The following DAB1 variants were observed in gnomAD, a reference collection of about 807,000 sequenced individuals.
DAB1 encodes DAB adaptor protein 1.
In DAB1, 15 loss-of-function variants were observed where a neutral mutation model predicts 64.6. The observed-to-expected ratio is 0.23, with a 90% CI of 0.16 to 0.36. DAB1 has a LOEUF of 0.36. DAB1 is among the 10% of genes least tolerant of loss of function. DAB1 has a pLI of 1.00. For synonymous variants in DAB1, 235 were observed against 251.9 expected, an observed-to-expected ratio of 0.93 and a Z score of 0.64; for missense variants, 596 against 706.7, an observed-to-expected ratio of 0.84 and a Z score of 1.78.
intron 5 of DAB1, among the ~76,000 whole-genome samples, chr1:58,132,348 G>A (rs543533271): frequency 7.2e-5 from 11 of 152,224 alleles, no homozygotes; most frequent in South Asian, 2.1e-4. Flanking sequence ...ACTGACCTGC[G>A]CCCACTGTCT....
chr1:57,162,067 A>T (rs949455387), intron 2 of DAB1, among the ~76,000 whole-genome samples: 4 of 152,196 alleles, frequency 2.6e-5, no homozygotes, highest in Non-Finnish European at 5.9e-5. Context: ...AGAAAACAAT[A>T]TTGAGGATTC....
chr1:57,978,831 G>T (rs1225723262), intron 5 of DAB1, among the ~76,000 whole-genome samples: 1 of 152,162 alleles, frequency 6.6e-6, no homozygotes, highest in East Asian at 1.9e-4. Flanking sequence ...ATCATCACTG[G>T]TCATTATGGA....
intron 5 of DAB1, among the ~76,000 whole-genome samples, chr1:58,038,251 T>C (rs1171699294): frequency 1.3e-5 from 2 of 152,152 alleles, no homozygotes; most frequent in Non-Finnish European, 2.9e-5. Context: ...GTATGGGCAT[T>C]CCAGGACACA....
At chr1:58,338,641 G>A (rs939216233) in intron 4 of DAB1, among the ~76,000 whole-genome samples, 2 of 152,128 alleles carry the variant, frequency 1.3e-5, no homozygotes, top group African/African-American at 4.8e-5. Context: ...AGAGTTCATG[G>A]TTTTGTAGGA....
intron 6 of DAB1, among the ~76,000 whole-genome samples, chr1:57,675,814 C>T (rs3126031): frequency 0.72 from 108,815 of 152,048 alleles, 39,517 homozygotes; most frequent in East Asian, 0.93. Context: ...CCCATCAGCA[C>T]AATTAATTCA....
At chr1:57,857,644 GA>G (rs987132454) in intron 1 of DAB1, among the ~76,000 whole-genome samples, 1 of 152,082 alleles carries the variant, frequency 6.6e-6, no homozygotes, top group African/African-American at 2.4e-5. Context: ...GCCACGAGTG[GA>G]AAATATAAGA....
chr1:57,752,741 T>C (rs1273728343), intron 6 of DAB1, among the ~76,000 whole-genome samples: 1 of 152,190 alleles, frequency 6.6e-6, no homozygotes, highest in Non-Finnish European at 1.5e-5. Context: ...TAAGTTTCTT[T>C]ATGCTGTTTG....
chr1:58,006,740 C>T (rs1646589547), intron 5 of DAB1, among the ~76,000 whole-genome samples: 1 of 152,242 alleles, frequency 6.6e-6, no homozygotes, highest in Admixed American at 6.5e-5. Flanking sequence ...ATACTCTGAC[C>T]CACTGAATGA....
At chr1:57,369,654 T>C (rs749150463) in intron 1 of DAB1, among the ~76,000 whole-genome samples, 1 of 152,110 alleles carries the variant, frequency 6.6e-6, no homozygotes, top group Admixed American at 6.6e-5. Context: ...CTCTCAGAGG[T>C]GGCACAACTT....
At chr1:57,798,068 A>G (rs909370360) in intron 6 of DAB1, among the ~76,000 whole-genome samples, 1 of 152,184 alleles carries the variant, frequency 6.6e-6, no homozygotes, top group Non-Finnish European at 1.5e-5. Flanking sequence ...AGATGAGAAA[A>G]TCAGGGCATG....
chr1:57,153,628 TTTTTTG>T (rs753185195), intron 2 of DAB1, among the ~76,000 whole-genome samples: 2,684 of 125,388 alleles, frequency 0.021, 41 homozygotes, highest in Non-Finnish European at 0.033. Context: ...ATGGGGTTTT[TTTTTTG>T]TTTGTTTGTT....
intron 2 of DAB1, among the ~76,000 whole-genome samples, chr1:57,265,879 A>G (rs1206507894): frequency 6.6e-6 from 1 of 152,182 alleles, no homozygotes; most frequent in Non-Finnish European, 1.5e-5. Context: ...TCAACTTCTC[A>G]TGTAAGCAAA....
chr1:57,524,460 C>T (rs1440166851), intron 7 of DAB1, among the ~76,000 whole-genome samples: 2 of 152,214 alleles, frequency 1.3e-5, no homozygotes, highest in African/African-American at 4.8e-5. Context: ...ATGTTTATTT[C>T]ACCTGGGTGC....
At chr1:58,475,477 AACACACACACAC>A (rs112408529) in intron 3 of DAB1, among the ~76,000 whole-genome samples, 9 of 148,134 alleles carry the variant, frequency 6.1e-5, no homozygotes, top group Non-Finnish European at 1.3e-4. Context: ...AGGTTAATTA[AACACACACACAC>A]ACACACACAC....
At chr1:57,975,534 G>A (rs953992755) in intron 5 of DAB1, among the ~76,000 whole-genome samples, 1 of 152,184 alleles carries the variant, frequency 6.6e-6, no homozygotes, top group African/African-American at 2.4e-5. Context: ...TTGATGCAAG[G>A]GAAAAGAATG....
At chr1:57,985,132 T>A (rs11207141) in intron 5 of DAB1, among the ~76,000 whole-genome samples, 56,571 of 152,002 alleles carry the variant, frequency 0.37, 12,682 homozygotes, top group Non-Finnish European at 0.5. Context: ...GATCTCAAAC[T>A]CCTGACCTCA....
chr1:57,025,154 C>T (rs937956165), intron 10 of DAB1, among the ~76,000 whole-genome samples: 19 of 152,220 alleles, frequency 1.2e-4, no homozygotes, highest in Non-Finnish European at 2.4e-4. Context: ...CTGCTCTCTG[C>T]CCTCCTCCGG....
rs116387727 is a variant in DAB1, at chr1:57,804,985, G to C, written n.551+79014C>G. On this transcript the variant is annotated intron_variant and non_coding_transcript_variant, in intron 6 of 20. Coordinates refer to the DAB1 transcript ENST00000485760. ...GGACAGAGAAAGCTATCCCAGAGGG[G>C]AACAGAATCAATCCAAGCTGCTCAT... 3.5e-3 allele frequency among the ~76,000 whole-genome samples: 527 copies of C among 152,260 alleles called. 4 individuals are homozygous for C. The highest frequency in any genetic ancestry group is 0.012 in the African/African-American group (508 of 41,554).
intron 3 of DAB1, among the ~76,000 whole-genome samples, chr1:58,454,032 G>T (rs1226838649): frequency 2.0e-5 from 3 of 152,084 alleles, no homozygotes; most frequent in South Asian, 4.1e-4. Context: ...CACACTAGCA[G>T]CAGTCTCTTT....
Sources: gnomAD v4.1 joint callset for allele counts (sites outside exome capture counted in the v4.1 genomes callset) on GRCh38, gnomAD v4.1.1 for gene constraint, MANE v1.5 for transcripts, NCBI Gene and HGNC (gene_info 2026-07-23, HGNC 2026-07-21) for gene names.